Variants in SEC24D observed in about 807,000 individuals in gnomAD.
The protein encoded by SEC24D is protein transport protein Sec24D.
In SEC24D, 69 loss-of-function variants were observed where a neutral mutation model predicts 116.9. That is an observed-to-expected ratio of 0.59 (90% confidence interval 0.49 to 0.72). The LOEUF (loss-of-function observed/expected upper bound fraction) is 0.72, where lower values mean the gene tolerates loss of function less well. SEC24D is among the 30% of genes least tolerant of loss of function. The pLI, the probability that SEC24D is intolerant of heterozygous loss-of-function variation, is 0.00. For synonymous variants in SEC24D, 405 were observed against 442.8 expected (o/e 0.91, Z 1.07); for missense variants, 1,131 against 1,264.1 (o/e 0.89, Z 1.60).
intron 7 of SEC24D, among the ~76,000 whole-genome samples, chr4:118,803,810 T>C (rs1729553665): frequency 6.6e-6 from 1 of 152,216 alleles, no homozygotes; most frequent in Admixed American, 6.5e-5. Flanking sequence ...ATGATATTAA[T>C]GCCTATCTCG....
At chr4:118,745,217 C>CTATT (rs1182602861) in intron 13 of SEC24D, among the ~76,000 whole-genome samples, 157 bp from the exon 14 acceptor site, 1 of 152,066 alleles carries the variant, frequency 6.6e-6, no homozygotes, top group Non-Finnish European at 1.5e-5. Context: ...TGGGCAGGTA[C>CTATT]TATTCTATTT....
chr4:118,731,531 T>A (rs1238732409), intron 20 of SEC24D, 24 bp from the exon 21 acceptor site: 1 of 1,603,256 alleles, frequency 6.2e-7, no homozygotes, highest in East Asian at 2.2e-5. Context: ...GACAAAAGAG[T>A]TAGAAACTCC....
intron 6 of SEC24D, 152 bp downstream of exon 6, chr4:118,814,876 T>C: frequency 1.3e-6 from 1 of 765,624 alleles, no homozygotes; most frequent in Non-Finnish European, 2.1e-6. Context: ...CCCCCATACA[T>C]GCATATAAGG....
At position 118,744,046 on chromosome 4, in the gene SEC24D, G is replaced by A. The variant is rs374055733; in HGVS notation, c.1937C>T (p.Ser646Leu). 5.8e-5 allele frequency: 93 copies of A among 1,613,348 alleles called. No individual in the cohort carries two copies. The highest frequency in any genetic ancestry group is 1.6e-4 in the Middle Eastern group (1 of 6,076). ...AGTGAGCTGAGGAACCAGCCCCAGC[G>A]AGGCCACGTCCACATACTGACTAGG... is the stretch of plus-strand genomic sequence containing the variant. ...LFPSQYVDVA[S>L]LGLVPQLTGG... Residue 646 changes from serine (S) to leucine (L), a missense_variant, in exon 15 of 23, where the codon TCG (serine) becomes TTG (leucine). Transcript: ENST00000280551.
intron 1 of SEC24D, among the ~76,000 whole-genome samples, chr4:118,834,465 TATAAC>T (rs1179064430): frequency 1.2e-4 from 19 of 152,236 alleles, no homozygotes; most frequent in African/African-American, 4.3e-4. Context: ...ACATCACAAA[TATAAC>T]AGACTCATCT....
intron 8 of SEC24D, among the ~76,000 whole-genome samples, chr4:118,795,405 C>T (rs1043818647): frequency 6.6e-6 from 1 of 151,886 alleles, no homozygotes; most frequent in African/African-American, 2.4e-5. Context: ...GATGGGGTTT[C>T]ATCATATTGG....
intron 8 of SEC24D, 79 bp from the exon 9 acceptor site, chr4:118,768,390 G>T: frequency 2.9e-6 from 3 of 1,030,834 alleles, no homozygotes; most frequent in Non-Finnish European, 4.1e-6. Context: ...GTCTTTTAAT[G>T]GCACTTTTTT....
chr4:118,736,441 G>A (rs1362804416), intron 19 of SEC24D: 1 of 186,940 alleles, frequency 5.3e-6, no homozygotes, highest in Non-Finnish European at 1.1e-5. Context: ...CTGAGGTCCA[G>A]TATCATACAA....
chr4:118,750,848 T>C (rs557138818), intron 13 of SEC24D, among the ~76,000 whole-genome samples: 3 of 152,152 alleles, frequency 2.0e-5, no homozygotes, highest in East Asian at 1.9e-4. Context: ...AATTGACATA[T>C]ATTCTGAGAC....
rs901018023 is a variant in SEC24D, at chr4:118,816,116, T to C, written c.398-390A>G. Among the ~76,000 whole-genome samples, 11 of 134,762 alleles carry C rather than the reference T, an allele frequency of 8.2e-5. No individual in the cohort carries two copies. In the East Asian group the frequency reaches 8.5e-4, roughly 10 times the overall value. 88.4% of individuals were successfully genotyped at this position (134,762 alleles called of 152,430 possible). A position where few individuals can be genotyped will look rare whatever the true frequency, so the allele number is the denominator to read the frequency against. On this transcript the variant is annotated intron_variant, in intron 4 of 22. Coordinates refer to ENST00000280551, the MANE Select transcript of SEC24D (RefSeq NM_014822.4). ...TTTTTTTTTTTTTTTTTTTGTAGAG[T>C]TGGGGTCTCGTGATATTGCTCAGGC...
intron 11 of SEC24D, among the ~76,000 whole-genome samples, chr4:118,753,306 C>G (rs1726928610): frequency 6.6e-6 from 1 of 152,124 alleles, no homozygotes; most frequent in African/African-American, 2.4e-5. Flanking sequence ...GGAAGCCATA[C>G]TCATATTACT....
chr4:118,776,143 G>A (rs1728121452), intron 8 of SEC24D, among the ~76,000 whole-genome samples: 1 of 152,026 alleles, frequency 6.6e-6, no homozygotes. Context: ...GGAAGGGGTA[G>A]GGGAGTGGAA....
At chr4:118,728,859 T>G in intron 21 of SEC24D, 1 of 469,656 alleles carries the variant, frequency 2.1e-6, no homozygotes, top group Non-Finnish European at 3.8e-6. Flanking sequence ...ATTTCTGTCT[T>G]TTGGAAAAAA....
rs539262744 is a variant in SEC24D at position 118,823,500 on chromosome 4, C to T, written c.248+1120G>A. ...GGGTACTGCCCATGCCTCCCCACCC[C>T]CAAACCTTGCTACCTGGGAAGGAAC... On this transcript the variant is annotated intron_variant, in intron 3 of 22. Coordinates refer to ENST00000280551, the MANE Select transcript of SEC24D (RefSeq NM_014822.4). Among the ~76,000 whole-genome samples the T allele has an allele frequency of 2.0e-5, 3 of 152,336 alleles. No individual in the cohort carries two copies. The South Asian group carries it at 6.2e-4, about 32-fold the overall frequency.
intron 8 of SEC24D, among the ~76,000 whole-genome samples, chr4:118,776,880 T>C (rs577322326): frequency 6.6e-6 from 1 of 152,290 alleles, no homozygotes; most frequent in South Asian, 2.1e-4. Context: ...AGCTAGTGTT[T>C]TTCTTCTATG....
At chr4:118,744,258 G>GTCTATTTTTCCATTTT in intron 14 of SEC24D, 100 bp from the exon 15 acceptor site, 1 of 1,199,736 alleles carries the variant, frequency 8.3e-7, no homozygotes, top group Non-Finnish European at 1.1e-6. Context: ...TTTTCAAAAT[G>GTCTATTTTTCCATTTT]GAAAAATAGA....
intron 15 of SEC24D, 118 bp from the exon 16 acceptor site, chr4:118,741,155 T>C (rs1726208317): frequency 1.8e-6 from 1 of 540,930 alleles, no homozygotes. Flanking sequence ...TAGCATATTT[T>C]TTTATTATAT....
intron 2 of SEC24D, among the ~76,000 whole-genome samples, chr4:118,830,344 C>A (rs1730792727): frequency 6.6e-6 from 1 of 152,232 alleles, no homozygotes; most frequent in African/African-American, 2.4e-5. Context: ...GAGAGGATCA[C>A]TTGAGCTGAG....
At chr4:118,738,996 G>A (rs1282707321) in intron 18 of SEC24D, among the ~76,000 whole-genome samples, 153 bp downstream of exon 18, 1 of 152,146 alleles carries the variant, frequency 6.6e-6, no homozygotes, top group Non-Finnish European at 1.5e-5. Context: ...TTAGAGTTAG[G>A]AATGCTGACT....
Sources: gnomAD v4.1 joint callset for allele counts (sites outside exome capture counted in the v4.1 genomes callset) on GRCh38, gnomAD v4.1.1 for gene constraint, MANE v1.5 for transcripts, NCBI Gene and HGNC (gene_info 2026-07-23, HGNC 2026-07-21) for gene names.